Variants in C2CD5 observed in about 807,000 individuals in gnomAD.
C2CD5 encodes C2 calcium dependent domain containing 5, also known as C2 domain-containing protein 5.
In C2CD5, 109 loss-of-function variants were observed where a neutral mutation model predicts 130.3. That is an observed-to-expected ratio of 0.84 (90% CI 0.72 to 0.98). The LOEUF (loss-of-function observed/expected upper bound fraction) is 0.98, where lower values mean the gene tolerates loss of function less well. C2CD5 is among the 50% of genes least tolerant of loss of function. The probability of loss-of-function intolerance (pLI) is 0.00; values close to 1 mark genes in which losing one functional copy is unlikely to be tolerated. For missense variants in C2CD5, 996 were observed against 1,261.8 expected (o/e 0.79, Z 3.19); for synonymous variants, 454 against 429.2 (o/e 1.06, Z -0.71).
chr12:22,511,478 A>C (rs1205348989), intron 9 of C2CD5, among the ~76,000 whole-genome samples: 3 of 152,190 alleles, frequency 2.0e-5, no homozygotes, highest in African/African-American at 7.2e-5. Flanking sequence ...CATAAACTTA[A>C]GTAACTGCTA....
intron 10 of C2CD5, chr12:22,497,539 C>T: frequency 1.7e-6 from 1 of 594,860 alleles, no homozygotes; most frequent in Non-Finnish European, 2.1e-6. Flanking sequence ...GATAATCTAT[C>T]ATGTTAACGG....
intron 2 of C2CD5, among the ~76,000 whole-genome samples, chr12:22,543,304 C>G (rs1484931657): frequency 6.6e-6 from 1 of 152,242 alleles, no homozygotes; most frequent in Non-Finnish European, 1.5e-5. Context: ...ATTTGCATGA[C>G]TTTTAAACTA....
intron 10 of C2CD5, among the ~76,000 whole-genome samples, chr12:22,496,045 C>T (rs573656840): frequency 6.4e-4 from 98 of 152,094 alleles, no homozygotes; most frequent in African/African-American, 2.3e-3. Context: ...CAACTGTAAG[C>T]AAGAGACTAA....
rs1476485924 is a variant in C2CD5 at position 22,530,109 on chromosome 12, TATACAC to T, written c.178-2223_178-2218del. On this transcript the variant is annotated intron_variant, in intron 3 of 26. Transcript: ENST00000446597. Reference sequence around the variant, plus strand: ...ATATATATATATATATATATATATATATACACACACACACACACACACACACACACA... The same window carrying T: ...ATATATATATATATATATATATATATACACACACACACACACACACACACA... Among the ~76,000 whole-genome samples, 951 of 106,518 alleles carry T rather than the reference TATACAC, an allele frequency of 8.9e-3. 9 individuals carry two copies. Among genetic ancestry groups the T allele is most frequent in the African/African-American group, 0.034 (699 of 20,510 alleles). 69.9% of individuals were successfully genotyped at this position (106,518 alleles called of 152,430 possible). A position where few individuals can be genotyped will look rare whatever the true frequency, so the allele number is the denominator to read the frequency against.
At chr12:22,500,325 T>G (rs1358117151) in intron 10 of C2CD5, among the ~76,000 whole-genome samples, 1 of 152,004 alleles carries the variant, frequency 6.6e-6, no homozygotes, top group Non-Finnish European at 1.5e-5. Context: ...ATGAAGTAAC[T>G]ATGTAAACAT....
At chr12:22,473,870 T>C (rs1381317552) in intron 16 of C2CD5, among the ~76,000 whole-genome samples, 2 of 152,132 alleles carry the variant, frequency 1.3e-5, no homozygotes, top group Non-Finnish European at 2.9e-5. Context: ...CCTGAGATAT[T>C]TTCCATGACA....
Position 22,474,795 on chromosome 12 carries a change from C to T in C2CD5, c.1999G>A (p.Glu667Lys). The T allele has an allele frequency of 6.2e-7, 1 of 1,611,030 alleles. No homozygotes were observed. Among genetic ancestry groups the T allele is most frequent in the Non-Finnish European group, 8.5e-7 (1 of 1,178,282 alleles). ...SQSESSDEVT[E>K]LDLSHGKKDA... ...TTTTTCCCATGTGAAAGGTCTAATT[C>T]TGTAACTTCATCCGAGCTTTCTGAT... Residue 667 changes from glutamate (E) to lysine (K), a missense_variant, in exon 16 of 27, where the codon GAA becomes AAA. Transcript: ENST00000446597.
At chr12:22,541,935 C>G (rs1012971035) in intron 2 of C2CD5, among the ~76,000 whole-genome samples, 4 of 152,164 alleles carry the variant, frequency 2.6e-5, no homozygotes, top group African/African-American at 9.7e-5. Context: ...GCCTGGCAAA[C>G]GGCAGACACT....
chr12:22,477,693 T>TG (rs1401068607), intron 15 of C2CD5, among the ~76,000 whole-genome samples: 2 of 152,052 alleles, frequency 1.3e-5, no homozygotes, highest in African/African-American at 4.8e-5. Flanking sequence ...TTCAGACTCT[T>TG]GCCATCAGTC....
At chr12:22,526,000 A>G (rs1467582015) in intron 4 of C2CD5, among the ~76,000 whole-genome samples, 1 of 152,180 alleles carries the variant, frequency 6.6e-6, no homozygotes, top group African/African-American at 2.4e-5. Context: ...AGGCTAAGCT[A>G]TAATGTTTGG....
At chr12:22,491,718 G>C (rs150348626) in intron 11 of C2CD5, among the ~76,000 whole-genome samples, 76 of 151,870 alleles carry the variant, frequency 5.0e-4, no homozygotes, top group African/African-American at 1.8e-3. Context: ...CTAAAAATAT[G>C]AAAATTAGCC....
chr12:22,451,662 A>G (rs1234440882), intron 26 of C2CD5, among the ~76,000 whole-genome samples: 1 of 152,050 alleles, frequency 6.6e-6, no homozygotes, highest in Admixed American at 6.6e-5. Flanking sequence ...AATGGAGTTA[A>G]TATCAACACT....
chr12:22,519,551 A>T (rs1950081780), intron 7 of C2CD5, among the ~76,000 whole-genome samples: 1 of 152,140 alleles, frequency 6.6e-6, no homozygotes, highest in Non-Finnish European at 1.5e-5. Flanking sequence ...AAGTTTCCTT[A>T]ACATATTTGT....
At chr12:22,514,532 AAC>A (rs1004738610) in intron 8 of C2CD5, among the ~76,000 whole-genome samples, 6 of 150,714 alleles carry the variant, frequency 4.0e-5, no homozygotes, top group Non-Finnish European at 6.0e-5. Context: ...TAATTAATGC[AAC>A]AGACAGAAAA....
chr12:22,528,375 A>G (rs1950918075), intron 3 of C2CD5, among the ~76,000 whole-genome samples: 1 of 152,236 alleles, frequency 6.6e-6, no homozygotes. Context: ...AATTAAGTTC[A>G]TGATATAAAC....
chr12:22,494,199 G>A (rs1302691484), intron 10 of C2CD5, among the ~76,000 whole-genome samples: 1 of 151,618 alleles, frequency 6.6e-6, no homozygotes, highest in East Asian at 1.9e-4. Flanking sequence ...AAAACAGAAA[G>A]TCTATAATTA....
chr12:22,523,072 G>C (rs914918531), intron 7 of C2CD5, among the ~76,000 whole-genome samples: 39 of 151,896 alleles, frequency 2.6e-4, no homozygotes, highest in South Asian at 2.1e-4. Context: ...AAGTTAGCTG[G>C]GCGTGGTGGC....
At chr12:22,493,913 G>A (rs1196987255) in intron 10 of C2CD5, among the ~76,000 whole-genome samples, 1 of 150,942 alleles carries the variant, frequency 6.6e-6, no homozygotes, top group Admixed American at 6.6e-5. Context: ...AAAAAAGAAA[G>A]AAAGCAAGCA....
intron 8 of C2CD5, among the ~76,000 whole-genome samples, chr12:22,515,881 T>C (rs1949669019): frequency 6.6e-6 from 1 of 151,954 alleles, no homozygotes; most frequent in African/African-American, 2.4e-5. Context: ...AGGTGTCAAA[T>C]CAATATTCTA....
Sources: allele counts gnomAD v4.1 joint callset (sites outside exome capture counted in the v4.1 genomes callset), GRCh38; gene constraint gnomAD v4.1.1; transcripts MANE v1.5; gene names NCBI Gene and HGNC (gene_info 2026-07-23, HGNC 2026-07-21).